Variants in CRYBG3 observed in about 807,000 individuals in gnomAD.
CRYBG3 encodes the protein crystallin beta-gamma domain containing 3, also known as very large A-kinase anchor protein.
CRYBG3 carries 127 observed loss-of-function variants against 244.2 expected under a neutral mutation model. That is an observed-to-expected ratio of 0.52 (90% CI 0.45 to 0.60). The LOEUF (loss-of-function observed/expected upper bound fraction) is 0.60, where lower values mean the gene tolerates loss of function less well. CRYBG3 is among the 20% of genes least tolerant of loss of function. The pLI is 0.00. For missense variants in CRYBG3, 3,325 were observed against 3,442.5 expected (o/e 0.97, Z 0.85); for synonymous variants, 1,132 against 1,195.8 (o/e 0.95, Z 1.10).
At chr3:97,858,736 GTCTA>G (rs1380183595) in intron 2 of CRYBG3, among the ~76,000 whole-genome samples, 3 of 151,908 alleles carry the variant, frequency 2.0e-5, no homozygotes, top group African/African-American at 7.2e-5. Flanking sequence ...TTATTGAATT[GTCTA>G]TCTGTATTTT....
chr3:97,828,734 A>G (rs947257811), intron 1 of CRYBG3, among the ~76,000 whole-genome samples: 2 of 151,230 alleles, frequency 1.3e-5, no homozygotes, highest in East Asian at 2.0e-4. Context: ...AGGCTGAGGC[A>G]GGAGAATCTC....
chr3:97,895,920 T>C (rs2039634348), intron 11 of CRYBG3, 39 bp from the exon 12 acceptor site: 1 of 1,597,200 alleles, frequency 6.3e-7, no homozygotes, highest in African/African-American at 1.4e-5. Context: ...TGACTACAGT[T>C]TTATTAATGG....
At chr3:97,921,428 T>C (rs2039983730) in intron 17 of CRYBG3, among the ~76,000 whole-genome samples, 1 of 151,828 alleles carries the variant, frequency 6.6e-6, no homozygotes, top group Non-Finnish European at 1.5e-5. Context: ...CAAGAGTCCA[T>C]TATGTAATAA....
chr3:97,941,288 A>C lies in CRYBG3; in HGVS notation c.8646A>C (p.Arg2882=). ...ATACTCAGATCTGGTACTACTGCCG[A>C]GGACTCTTTAAATCCAAGGTAAGCA... The part of the protein sequence containing the change: ...GKNTQIWYYC[R]GLFKSKASDT... The change falls in exon 20 of 22, where the codon CGA becomes CGC. Residue 2882 remains arginine (R), a synonymous_variant. Transcript: ENST00000389622. 6.2e-7 allele frequency: 1 copy of C among 1,609,068 alleles called. No individual in the cohort carries two copies. Among genetic ancestry groups the C allele is most frequent in the Non-Finnish European group, 8.5e-7 (1 of 1,176,954 alleles).
At chr3:97,907,582 C>T (rs2039793250) in intron 15 of CRYBG3, among the ~76,000 whole-genome samples, 4 of 146,760 alleles carry the variant, frequency 2.7e-5, no homozygotes, top group South Asian at 2.3e-4. Flanking sequence ...TCTGTGGGAT[C>T]GGTGGTGATA....
Position 97,875,433 on chromosome 3 carries a change from G to C in CRYBG3, c.4239G>C (p.Leu1413=). The C allele has an allele frequency of 7.4e-7, 1 of 1,348,500 alleles. No individual in the cohort carries two copies. The highest frequency in any genetic ancestry group is 2.2e-5 in the South Asian group (1 of 45,978). The allele number at this position is 1,348,500 out of a possible 1,614,324, so 83.5% of individuals were successfully genotyped here. Residue 1413 remains leucine (L), a synonymous_variant, in exon 4 of 22, where the codon CTG becomes CTC. Transcript: ENST00000389622. ...TATTTTCTGGAAATGGATCTGGACT[G>C]TCTGATAGTATAAATTTGCAGGAAT... The part of the protein sequence containing the change: ...KSLFSGNGSG[L]SDSINLQESD...
Position 97,877,305 on chromosome 3 carries a change from G to T in CRYBG3, c.6111G>T (p.Leu2037=). 2 of 1,614,086 alleles carry T rather than the reference G, an allele frequency of 1.2e-6. No homozygotes were observed. Among genetic ancestry groups the T allele is most frequent in the Admixed American group, 1.7e-5 (1 of 60,018 alleles). ...HDTSADSMPV[L]ACERSESRTD... is the part of the protein sequence containing the mutation. Reference sequence around the variant, plus strand: ...CGTCCGCTGACAGCATGCCTGTTCTGGCATGTGAAAGGTCTGAGAGTAGAA... The same window carrying T: ...CGTCCGCTGACAGCATGCCTGTTCTTGCATGTGAAAGGTCTGAGAGTAGAA... Residue 2037 remains leucine, a synonymous_variant, in exon 4 of 22, where the codon CTG becomes CTT. Coordinates refer to ENST00000389622, the MANE Select transcript of CRYBG3 (RefSeq NM_153605.4).
At chr3:97,914,040 C>A (rs2039901202) in intron 16 of CRYBG3, among the ~76,000 whole-genome samples, 1 of 152,094 alleles carries the variant, frequency 6.6e-6, no homozygotes, top group African/African-American at 2.4e-5. Flanking sequence ...CAGATATATT[C>A]TTTAAGGTTC....
chr3:97,891,876 C>T (rs1033146193), intron 10 of CRYBG3, among the ~76,000 whole-genome samples: 1 of 152,130 alleles, frequency 6.6e-6, no homozygotes, highest in African/African-American at 2.4e-5. Flanking sequence ...AAAGCTTTGG[C>T]TAACTTTTTC....
At chr3:97,933,974 A>G in intron 18 of CRYBG3, 141 bp downstream of exon 18, 1 of 585,228 alleles carries the variant, frequency 1.7e-6, no homozygotes, top group Non-Finnish European at 3.0e-6. Context: ...GGGCTACCAT[A>G]TGGTCACAGC....
At chr3:97,845,422 A>G (rs1360564351) in intron 2 of CRYBG3, among the ~76,000 whole-genome samples, 3 of 152,202 alleles carry the variant, frequency 2.0e-5, no homozygotes. Flanking sequence ...AAATTTTGCT[A>G]TTTTACTAAC....
chr3:97,873,975 T>C lies in CRYBG3; in HGVS notation c.2781T>C (p.Asp927=). 6.5e-7 allele frequency: 1 copy of C among 1,534,190 alleles called. No homozygotes were observed. The highest frequency in any genetic ancestry group is 2.0e-5 in the Admixed American group (1 of 50,594). The change falls in exon 4 of 22, where the codon GAT becomes GAC. Residue 927 remains aspartate (D), a synonymous_variant. Coordinates refer to ENST00000389622, the MANE Select transcript of CRYBG3 (RefSeq NM_153605.4). ...KYEDKPEPEV[D]ALGSPPALLK... ...AAGATAAGCCAGAACCAGAGGTAGA[T>C]GCCTTAGGCTCTCCTCCTGCTCTTC...
intron 11 of CRYBG3, 148 bp from the exon 12 acceptor site, chr3:97,895,811 G>A (rs1286287113): frequency 3.1e-6 from 2 of 652,640 alleles, no homozygotes; most frequent in Non-Finnish European, 5.0e-6. Flanking sequence ...CACACCATTT[G>A]TCTATCTTTA....
At chr3:97,839,491 A>G (rs1023499939) in intron 1 of CRYBG3, among the ~76,000 whole-genome samples, 21 of 152,192 alleles carry the variant, frequency 1.4e-4, no homozygotes, top group African/African-American at 4.8e-4. Flanking sequence ...ATGGTTTTAG[A>G]GAAGTATGTT....
At chr3:97,861,273 C>G (rs1314103448) in intron 2 of CRYBG3, among the ~76,000 whole-genome samples, 1 of 152,084 alleles carries the variant, frequency 6.6e-6, no homozygotes. Context: ...GAATTAAGCT[C>G]AAATGTTATC....
intron 17 of CRYBG3, among the ~76,000 whole-genome samples, chr3:97,925,949 T>C (rs971890546): frequency 1.3e-5 from 2 of 152,046 alleles, no homozygotes; most frequent in African/African-American, 2.4e-5. Flanking sequence ...AGAAGGATTA[T>C]AGTTTACTGG....
Position 97,872,733 on chromosome 3 carries a change from G to T in CRYBG3, c.1539G>T (p.Leu513Phe). 6.5e-7 allele frequency: 1 copy of T among 1,535,982 alleles called. No homozygotes were observed. Among genetic ancestry groups the T allele is most frequent in the Non-Finnish European group, 8.7e-7 (1 of 1,146,810 alleles). The change falls in exon 4 of 22, where the codon TTG becomes TTT. Residue 513 changes from leucine (L) to phenylalanine (F), a missense_variant. This residue lies in a region of CRYBG3 where 1,526 missense variants were observed against 1,443.2 expected (regional missense o/e 1.06). Coordinates refer to ENST00000389622, the MANE Select transcript of CRYBG3 (RefSeq NM_153605.4). ...DTEFVNEGKRLSAQDSQKNVA... is the reference protein window; with the variant it reads ...DTEFVNEGKRFSAQDSQKNVA... ...AATTTGTAAATGAAGGAAAGAGATT[G>T]TCTGCCCAAGACTCACAGAAAAATG...
intron 17 of CRYBG3, among the ~76,000 whole-genome samples, chr3:97,928,298 A>G (rs1171472997): frequency 6.6e-6 from 1 of 152,060 alleles, no homozygotes; most frequent in African/African-American, 2.4e-5. Context: ...GCTTATTAAC[A>G]CAAGAACAGA....
At chr3:97,904,675 T>A (rs1359346374) in intron 15 of CRYBG3, among the ~76,000 whole-genome samples, 4 of 151,068 alleles carry the variant, frequency 2.6e-5, no homozygotes, top group African/African-American at 9.7e-5. Context: ...TTTTTATTTT[T>A]TTTATTTTTT....
Sources: allele counts gnomAD v4.1 joint callset (sites outside exome capture counted in the v4.1 genomes callset), GRCh38; gene constraint gnomAD v4.1.1; regional missense constraint gnomAD v4.1.1; transcripts MANE v1.5; gene names NCBI Gene and HGNC (gene_info 2026-07-23, HGNC 2026-07-21).